The following PTPRT variants were observed in gnomAD, a reference collection of about 807,000 sequenced individuals.
PTPRT encodes protein tyrosine phosphatase receptor type T.
In PTPRT, 56 loss-of-function variants were observed where a neutral mutation model predicts 176.8. That is an observed-to-expected ratio of 0.32 (90% CI 0.26 to 0.40). The LOEUF (loss-of-function observed/expected upper bound fraction) is 0.40, where lower values mean the gene tolerates loss of function less well. Among genes scored for constraint, PTPRT ranks in the 10% least tolerant of loss-of-function variants. The pLI is 1.00. For missense variants in PTPRT, 1,540 were observed against 1,908.2 expected (o/e 0.81, Z 3.60); for synonymous variants, 783 against 739.0 (o/e 1.06, Z -0.96).
At chr20:42,533,478 G>A (rs1431807564) in intron 7 of PTPRT, among the ~76,000 whole-genome samples, 2 of 151,928 alleles carry the variant, frequency 1.3e-5, no homozygotes, top group South Asian at 2.1e-4. Flanking sequence ...AGTAGGTGGG[G>A]GATGGCACAC....
chr20:42,550,381 T>C (rs927404155), intron 7 of PTPRT, among the ~76,000 whole-genome samples: 9 of 152,114 alleles, frequency 5.9e-5, no homozygotes, highest in Admixed American at 5.9e-4. Context: ...GAAATGAAGA[T>C]AGGCATAAGG....
At chr20:42,990,373 T>C (rs1200246711) in intron 1 of PTPRT, among the ~76,000 whole-genome samples, 1 of 152,156 alleles carries the variant, frequency 6.6e-6, no homozygotes, top group Non-Finnish European at 1.5e-5. Flanking sequence ...TATGAAGATG[T>C]TAAGTTAATA....
intron 9 of PTPRT, among the ~76,000 whole-genome samples, chr20:42,392,857 A>G (rs77593923): frequency 0.068 from 10,416 of 152,264 alleles, 443 homozygotes; most frequent in African/African-American, 0.12. Flanking sequence ...AAAACAAAAG[A>G]CAGATTAACA....
intron 13 of PTPRT, among the ~76,000 whole-genome samples, chr20:42,273,068 A>C (rs1202592935): frequency 2.0e-5 from 3 of 152,170 alleles, no homozygotes; most frequent in Non-Finnish European, 4.4e-5. Flanking sequence ...CCTTGACGAC[A>C]GCCCTTATTG....
intron 9 of PTPRT, among the ~76,000 whole-genome samples, chr20:42,386,722 G>A (rs1037682472): frequency 3.9e-5 from 6 of 152,200 alleles, no homozygotes; most frequent in South Asian, 2.1e-4. Flanking sequence ...TTATCTGGGC[G>A]TGGTGGTGGA....
intron 6 of PTPRT, among the ~76,000 whole-genome samples, chr20:42,693,438 C>T (rs76879169): frequency 0.077 from 11,674 of 152,078 alleles, 492 homozygotes; most frequent in South Asian, 0.16. Context: ...AGAGAGCTTA[C>T]CTTTTAGGAA....
At chr20:42,116,980 C>G (rs763342274) in intron 21 of PTPRT, among the ~76,000 whole-genome samples, 7 of 152,198 alleles carry the variant, frequency 4.6e-5, no homozygotes, top group African/African-American at 1.7e-4. Flanking sequence ...CACCCTGGGC[C>G]TGGGTCCCTG....
chr20:42,253,524 T>C (rs1461768804), intron 13 of PTPRT, among the ~76,000 whole-genome samples: 6 of 152,130 alleles, frequency 3.9e-5, no homozygotes, highest in Non-Finnish European at 8.8e-5. Context: ...AAGCAGGGCC[T>C]GGGGATTTGG....
chr20:43,049,330 TACA>T (rs1986959556), intron 1 of PTPRT, among the ~76,000 whole-genome samples: 1 of 64,668 alleles, frequency 1.5e-5, no homozygotes, highest in Non-Finnish European at 2.4e-5. Flanking sequence ...ATGTAAAACA[TACA>T]TACATACATA....
At chr20:42,034,597 G>A in the PTPRT span, among the ~76,000 whole-genome samples, 2 of 152,274 alleles carry the variant, frequency 1.3e-5, no homozygotes, top group Admixed American at 6.5e-5. Context: ...CCAGGGTAAT[G>A]CACAGAGATC....
chr20:43,050,674 C>T (rs982446865), intron 1 of PTPRT, among the ~76,000 whole-genome samples: 1 of 152,236 alleles, frequency 6.6e-6, no homozygotes, highest in Non-Finnish European at 1.5e-5. Context: ...TTCTCTGAGC[C>T]TCATCTGAAA....
At position 42,579,273 on chromosome 20, in the gene PTPRT, G is replaced by A. The variant is rs537324372; in HGVS notation, c.1153+98593C>T. Among the ~76,000 whole-genome samples, 264 of 152,182 alleles carry A rather than the reference G, an allele frequency of 1.7e-3. 1 individual carries two copies. The highest frequency in any genetic ancestry group is 6.1e-3 in the African/African-American group (252 of 41,514). On this transcript the variant is annotated intron_variant, in intron 7 of 30. Transcript: ENST00000373187. ...TTATGACTGCATAGTATTCCATGGT[G>A]TATATGGGCCACATTTTCTTAATCC... is the stretch of plus-strand genomic sequence containing the variant.
intron 7 of PTPRT, among the ~76,000 whole-genome samples, chr20:42,515,314 C>T (rs2072040474): frequency 6.6e-6 from 1 of 152,126 alleles, no homozygotes; most frequent in Non-Finnish European, 1.5e-5. Flanking sequence ...GAAACCCCAT[C>T]TCTACTAAAA....
intron 16 of PTPRT, among the ~76,000 whole-genome samples, chr20:42,188,015 A>T (rs953579352): frequency 6.6e-6 from 1 of 152,208 alleles, no homozygotes; most frequent in Non-Finnish European, 1.5e-5. Context: ...GAACATTTAT[A>T]TCCCCAGGCC....
intron 2 of PTPRT, among the ~76,000 whole-genome samples, chr20:42,878,420 T>A (rs1320159839): frequency 6.6e-6 from 1 of 152,220 alleles, no homozygotes; most frequent in Non-Finnish European, 1.5e-5. Flanking sequence ...CAACAATGAA[T>A]ACACATTATT....
In PTPRT at chr20:42,078,317, G is replaced by A. The variant is rs2146072463; in HGVS notation, c.*2562C>T. 1 of 210,272 alleles carries A rather than the reference G, an allele frequency of 4.8e-6. No homozygotes were observed. Among genetic ancestry groups the A allele is most frequent in the South Asian group, 1.9e-4 (1 of 5,342 alleles). 13.0% of individuals were successfully genotyped at this position (210,272 alleles called of 1,614,324 possible). On this transcript the variant is annotated 3_prime_UTR_variant, in exon 31 of 31. Coordinates refer to ENST00000373187, the MANE Select transcript of PTPRT (RefSeq NM_007050.6). ...GCCCATGCCAATGGAAGCAACTTTT[G>A]TCGGCTCCTTTCATGTTCCATCCTC...
chr20:42,855,770 GA>G (rs113446878), intron 2 of PTPRT, among the ~76,000 whole-genome samples: 5,601 of 148,320 alleles, frequency 0.038, 274 homozygotes, highest in African/African-American at 0.12. Context: ...TGTTGGCAAG[GA>G]AAAAAAAAAT....
chr20:42,888,530 C>T lies in PTPRT; in HGVS notation c.89-2598G>A, dbSNP rs1226327600. Among the ~76,000 whole-genome samples the T allele has an allele frequency of 2.6e-5, 4 of 152,186 alleles. No homozygotes were observed. In the East Asian group the frequency reaches 5.8e-4, roughly 22 times the overall value. On this transcript the variant is annotated intron_variant, in intron 1 of 30. Coordinates refer to ENST00000373187, the MANE Select transcript of PTPRT (RefSeq NM_007050.6). Reference sequence around the variant, plus strand: ...ATGCACTGAGGGGATAAATGACCTGCTCAGGCAACATGGAAGGAAAGTGTT... The same window carrying T: ...ATGCACTGAGGGGATAAATGACCTGTTCAGGCAACATGGAAGGAAAGTGTT...
chr20:42,537,262 G>A (rs2072493345), intron 7 of PTPRT, among the ~76,000 whole-genome samples: 1 of 152,116 alleles, frequency 6.6e-6, no homozygotes, highest in Non-Finnish European at 1.5e-5. Flanking sequence ...GTGGAGAACA[G>A]CCACGAGTTT....
Sources: gnomAD v4.1 joint callset for allele counts (sites outside exome capture counted in the v4.1 genomes callset) on GRCh38, gnomAD v4.1.1 for gene constraint, MANE v1.5 for transcripts, NCBI Gene and HGNC (gene_info 2026-07-23, HGNC 2026-07-21) for gene names.